ARHGEF33: variants seen among roughly 807,000 people sequenced by gnomAD.
ARHGEF33 encodes the protein Rho guanine nucleotide exchange factor 33.
In ARHGEF33, 72 loss-of-function variants were observed where a neutral mutation model predicts 101.9. That is an observed-to-expected ratio of 0.71 (90% CI 0.58 to 0.86). The LOEUF (loss-of-function observed/expected upper bound fraction) is 0.86. ARHGEF33 is among the 40% of genes least tolerant of loss of function. The probability of loss-of-function intolerance (pLI) is 0.00; values close to 1 mark genes in which losing one functional copy is unlikely to be tolerated. For synonymous variants in ARHGEF33, 499 were observed against 442.5 expected (o/e 1.13, Z -1.60); for missense variants, 1,169 against 1,111.3 (o/e 1.05, Z -0.74).
intron 9 of ARHGEF33, among the ~76,000 whole-genome samples, chr2:38,941,341 A>AT (rs1409272246): frequency 6.6e-6 from 1 of 152,180 alleles, no homozygotes; most frequent in Non-Finnish European, 1.5e-5. Flanking sequence ...TAGATATAAG[A>AT]TGGAGTCAGC....
intron 10 of ARHGEF33, among the ~76,000 whole-genome samples, chr2:38,944,565 C>T (rs1415751132): frequency 6.6e-6 from 1 of 152,146 alleles, no homozygotes; most frequent in Non-Finnish European, 1.5e-5. Context: ...TAGGGAACCC[C>T]TGGCAAGTCT....
chr2:38,974,137 A>C lies in ARHGEF33; in HGVS notation c.*294A>C, dbSNP rs1184682785. ...AACACAATAAATTTGGAGGAAAATA[A>C]ATGTTTGTAAGAATGAAAACTTCCA... On this transcript the variant is annotated 3_prime_UTR_variant, in exon 18 of 18. Transcript: ENST00000409978. The C allele has an allele frequency of 6.5e-6, 1 of 153,866 alleles. No homozygotes were observed. The highest frequency in any genetic ancestry group is 1.4e-5 in the Non-Finnish European group (1 of 69,414). 9.5% of individuals were successfully genotyped at this position (153,866 alleles called of 1,614,324 possible).
At chr2:38,921,519 C>A in intron 4 of ARHGEF33, 96 bp downstream of exon 4, 1 of 830,024 alleles carries the variant, frequency 1.2e-6, no homozygotes, top group Non-Finnish European at 2.0e-6. Context: ...ACAAGTGCTT[C>A]CACATATATC....
chr2:38,918,830 T>G (rs1026787302), intron 2 of ARHGEF33, among the ~76,000 whole-genome samples: 3 of 136,568 alleles, frequency 2.2e-5, no homozygotes, highest in African/African-American at 5.7e-5. Context: ...CACTTGAGCC[T>G]AGAAGTTTGA....
rs759779511 is a variant in ARHGEF33 at position 38,889,917 on chromosome 2, C to A, written c.-228C>A. On this transcript the variant is annotated 5_prime_UTR_variant, in exon 1 of 18. Transcript: ENST00000409978. The stretch of plus-strand genomic sequence containing the variant: ...GCCTCTCTACTGCTTCTTTTTATAA[C>A]CTTTAAGTTAATTCAGAACCCAGAT... 4.0e-5 allele frequency: 19 copies of A among 470,786 alleles called. No homozygotes were observed. Among genetic ancestry groups the A allele is most frequent in the Middle Eastern group, 3.2e-4 (1 of 3,098 alleles). 29.2% of individuals were successfully genotyped at this position (470,786 alleles called of 1,614,324 possible).
At chr2:38,928,141 A>T (rs550204419) in intron 4 of ARHGEF33, among the ~76,000 whole-genome samples, 1 of 152,332 alleles carries the variant, frequency 6.6e-6, no homozygotes, top group African/African-American at 2.4e-5. Flanking sequence ...GTTAACCAAC[A>T]TGCCTAAGGT....
intron 9 of ARHGEF33, among the ~76,000 whole-genome samples, chr2:38,943,634 A>G (rs564800603): frequency 6.6e-6 from 1 of 152,130 alleles, no homozygotes; most frequent in Non-Finnish European, 1.5e-5. Flanking sequence ...TGCACTATCT[A>G]TATTGCCCCT....
intron 9 of ARHGEF33, 56 bp downstream of exon 9, chr2:38,937,615 C>A (rs983542640): frequency 1.6e-5 from 17 of 1,050,408 alleles, no homozygotes; most frequent in South Asian, 4.5e-5. Flanking sequence ...TGTACCAGAG[C>A]TTTGAACTCA....
intron 10 of ARHGEF33, among the ~76,000 whole-genome samples, chr2:38,949,544 T>C (rs1043603243): frequency 6.6e-6 from 1 of 151,332 alleles, no homozygotes; most frequent in Non-Finnish European, 1.5e-5. Flanking sequence ...TCCTTACTTC[T>C]GAAAAAGGGA....
chr2:38,907,042 C>T (rs1666408409), intron 2 of ARHGEF33, among the ~76,000 whole-genome samples: 1 of 152,132 alleles, frequency 6.6e-6, no homozygotes. Context: ...GGGTATAAGA[C>T]ATGAGTTGCC....
chr2:38,953,114 G>A (rs1305902470), intron 11 of ARHGEF33, 48 bp from the exon 12 acceptor site: 1 of 845,892 alleles, frequency 1.2e-6, no homozygotes, highest in Non-Finnish European at 2.0e-6. Flanking sequence ...AAATATTATA[G>A]ATCCTGTTTT....
intron 2 of ARHGEF33, among the ~76,000 whole-genome samples, chr2:38,914,841 G>A (rs1395838354): frequency 6.6e-6 from 1 of 151,872 alleles, no homozygotes; most frequent in African/African-American, 2.4e-5. Context: ...ATATGAGGAT[G>A]GAAAAAATAC....
chr2:38,929,355 G>A (rs1197715421), intron 5 of ARHGEF33, among the ~76,000 whole-genome samples: 1 of 152,096 alleles, frequency 6.6e-6, no homozygotes, highest in Non-Finnish European at 1.5e-5. Context: ...CTTGAGCCAG[G>A]AAGTGGAGGT....
intron 2 of ARHGEF33, among the ~76,000 whole-genome samples, chr2:38,898,151 A>T (rs1166325704): frequency 2.0e-5 from 3 of 152,252 alleles, no homozygotes; most frequent in Non-Finnish European, 4.4e-5. Flanking sequence ...TATAAAAAGT[A>T]GACGAGACCA....
chr2:38,916,189 G>A (rs529139125), intron 2 of ARHGEF33, among the ~76,000 whole-genome samples: 12 of 152,050 alleles, frequency 7.9e-5, no homozygotes, highest in Non-Finnish European at 1.5e-4. Context: ...GTAGACTAAC[G>A]ACTAAATTTC....
In ARHGEF33 at chr2:38,935,139, A is replaced by C. The variant is rs528874523; in HGVS notation, c.506-636A>C. On this transcript the variant is annotated intron_variant, in intron 7 of 17. Coordinates refer to ENST00000409978, the MANE Select transcript of ARHGEF33 (RefSeq NM_001145451.5). ...TATAAGGGCTTTGGCTTTTACACTG[A>C]AATGGGAGCCATTGGAGGGCTAAGC... Among the ~76,000 whole-genome samples the C allele has an allele frequency of 5.9e-4, 89 of 152,062 alleles. 1 individual carries two copies. Among genetic ancestry groups the C allele is most frequent in the African/African-American group, 1.9e-3 (79 of 41,490 alleles).
At chr2:38,935,943 C>T in intron 8 of ARHGEF33, 109 bp downstream of exon 8, 1 of 905,146 alleles carries the variant, frequency 1.1e-6, no homozygotes, top group Non-Finnish European at 1.7e-6. Flanking sequence ...TGAAAGAACT[C>T]ACAAAAGATA....
chr2:38,970,620 T>A (rs1443535749), intron 17 of ARHGEF33, among the ~76,000 whole-genome samples: 2 of 152,252 alleles, frequency 1.3e-5, no homozygotes, highest in East Asian at 3.8e-4. Flanking sequence ...GTGTCTTCAA[T>A]GTACTAGGTT....
chr2:38,966,013 A>G lies in ARHGEF33; in HGVS notation c.2351A>G (p.His784Arg). Residue 784 changes from histidine (H) to arginine (R), a missense_variant, in exon 17 of 18, where the codon CAT (histidine) becomes CGT (arginine). Physicochemically the swap from His to Arg is conservative, Grantham distance 29. Coordinates refer to ENST00000409978, the MANE Select transcript of ARHGEF33 (RefSeq NM_001145451.5). ...QTYLEVRREMHLEDTTRFCPK... is the reference protein window; with the variant it reads ...QTYLEVRREMRLEDTTRFCPK... ...CCTCTTTTTTGTTTCCAGGAGATGC[A>G]TTTAGAAGATACTACCAGATTCTGT... 1.3e-6 allele frequency: 2 copies of G among 1,551,644 alleles called. No individual in the cohort carries two copies. Among genetic ancestry groups the G allele is most frequent in the Non-Finnish European group, 1.7e-6 (2 of 1,146,954 alleles).
Sources: allele counts gnomAD v4.1 joint callset (sites outside exome capture counted in the v4.1 genomes callset), GRCh38; gene constraint gnomAD v4.1.1; transcripts MANE v1.5; gene names NCBI Gene and HGNC (gene_info 2026-07-23, HGNC 2026-07-21).